Variants in ZBTB20 observed in about 807,000 individuals in gnomAD.
ZBTB20 encodes the protein zinc finger and BTB domain containing 20, also known as zinc finger and BTB domain-containing protein 20.
ZBTB20 carries 9 observed loss-of-function variants against 56.9 expected under a neutral mutation model. That is an observed-to-expected ratio of 0.16 (90% CI 0.10 to 0.28). The LOEUF is 0.28. ZBTB20 is among the 10% of genes least tolerant of loss of function. The pLI, the probability that ZBTB20 is intolerant of heterozygous loss-of-function variation, is 1.00. For synonymous variants in ZBTB20, 417 were observed against 420.7 expected, an observed-to-expected ratio of 0.99 and a Z score of 0.11; for missense variants, 655 against 1,003.0, an observed-to-expected ratio of 0.65 and a Z score of 4.69.
chr3:114,513,786 C>A (rs891692630), intron 6 of ZBTB20, among the ~76,000 whole-genome samples: 2 of 151,918 alleles, frequency 1.3e-5, no homozygotes, highest in African/African-American at 4.8e-5. Flanking sequence ...TCCCTTATTC[C>A]ATAGTGTGCC....
intron 6 of ZBTB20, among the ~76,000 whole-genome samples, chr3:114,592,115 G>A (rs2055828067): frequency 6.6e-6 from 1 of 152,168 alleles, no homozygotes; most frequent in Non-Finnish European, 1.5e-5. Flanking sequence ...GACCTCAATA[G>A]CATGTCACTT....
chr3:115,010,340 G>A (rs944945421), intron 2 of ZBTB20, among the ~76,000 whole-genome samples: 4 of 151,960 alleles, frequency 2.6e-5, no homozygotes, highest in Non-Finnish European at 5.9e-5. Flanking sequence ...GCTGGCTTCA[G>A]GTCTGACCCA....
rs73859717 is a variant in ZBTB20 at position 115,117,628 on chromosome 3, C to T, written c.-703+29591G>A. On this transcript the variant is annotated intron_variant, in intron 1 of 11. Transcript: ENST00000675478. ...TCCTTTGTGTATTACAATCCATTAA[C>T]GTTCTCCACAACTCTTTTTTTTTTC... Among the ~76,000 whole-genome samples the T allele has an allele frequency of 9.9e-3, 1,501 of 151,722 alleles. 30 individuals are homozygous for T. The highest frequency in any genetic ancestry group is 0.035 in the African/African-American group (1,454 of 41,426).
At chr3:114,535,995 T>C (rs577668299) in intron 6 of ZBTB20, among the ~76,000 whole-genome samples, 1 of 152,274 alleles carries the variant, frequency 6.6e-6, no homozygotes, top group East Asian at 1.9e-4. Flanking sequence ...ATGGAACGTA[T>C]CTCAAAATAA....
intron 5 of ZBTB20, among the ~76,000 whole-genome samples, chr3:114,726,254 G>A (rs913791319): frequency 3.9e-5 from 6 of 152,076 alleles, no homozygotes. Context: ...GATATGAATC[G>A]CAGGTCAAAG....
At chr3:114,775,626 A>G (rs1250038988) in intron 5 of ZBTB20, among the ~76,000 whole-genome samples, 1 of 151,850 alleles carries the variant, frequency 6.6e-6, no homozygotes, top group Non-Finnish European at 1.5e-5. Context: ...TGGGCTGCAC[A>G]CGGAGCCCTT....
At chr3:115,040,517 T>C (rs934996913) in intron 2 of ZBTB20, among the ~76,000 whole-genome samples, 2 of 152,070 alleles carry the variant, frequency 1.3e-5, no homozygotes, top group Non-Finnish European at 2.9e-5. Flanking sequence ...AGAAGAAGCA[T>C]TATGTACTCA....
At chr3:114,396,727 T>G (rs1158136298) in intron 7 of ZBTB20, among the ~76,000 whole-genome samples, 1 of 152,176 alleles carries the variant, frequency 6.6e-6, no homozygotes, top group Admixed American at 6.6e-5. Flanking sequence ...TAGGCTAGAT[T>G]CTTCTTCATG....
At chr3:114,952,594 GAA>G (rs35864191) in intron 3 of ZBTB20, among the ~76,000 whole-genome samples, 43 of 140,824 alleles carry the variant, frequency 3.1e-4, no homozygotes, top group Admixed American at 1.4e-3. Flanking sequence ...ACCCCAAACA[GAA>G]AAAAAAAAAA....
intron 2 of ZBTB20, among the ~76,000 whole-genome samples, chr3:114,998,109 T>A (rs778202881): frequency 6.6e-6 from 1 of 151,702 alleles, no homozygotes; most frequent in Admixed American, 6.6e-5. Flanking sequence ...TATACACACA[T>A]GAAGTTGCAA....
rs563342717 is a variant in ZBTB20, at chr3:114,765,331, C to T, written c.-343+35770G>A. 2.4e-3 allele frequency among the ~76,000 whole-genome samples: 363 copies of T among 152,182 alleles called. 4 individuals are homozygous for T. The highest frequency in any genetic ancestry group is 8.2e-3 in the African/African-American group (340 of 41,520). ...GCAGTCGTAATGGAGTAAGGTGGTTCTCTACTCAAGTATGACTTATGCCTG... is the reference window on the plus strand; with the variant it reads ...GCAGTCGTAATGGAGTAAGGTGGTTTTCTACTCAAGTATGACTTATGCCTG... On this transcript the variant is annotated intron_variant, in intron 5 of 11. Transcript: ENST00000675478.
chr3:114,453,672 A>C (rs2091781974), intron 7 of ZBTB20: 1 of 152,158 alleles, frequency 6.6e-6, no homozygotes, highest in Admixed American at 6.6e-5. Flanking sequence ...TAAAGTGAGC[A>C]TAAGAACAGT....
intron 4 of ZBTB20, among the ~76,000 whole-genome samples, chr3:114,809,308 A>G (rs1349136329): frequency 6.6e-6 from 1 of 152,012 alleles, no homozygotes. Context: ...CATTACACAT[A>G]TGTTAGTATG....
chr3:114,977,192 C>G (rs534539154), intron 2 of ZBTB20, among the ~76,000 whole-genome samples: 1 of 152,258 alleles, frequency 6.6e-6, no homozygotes, highest in East Asian at 1.9e-4. Context: ...AGGGACATTG[C>G]TACACAGATA....
intron 6 of ZBTB20, among the ~76,000 whole-genome samples, chr3:114,569,870 T>C (rs1030092566): frequency 3.3e-5 from 5 of 151,874 alleles, no homozygotes; most frequent in African/African-American, 1.2e-4. Flanking sequence ...GTCCATTCTC[T>C]CTCTCTCTCC....
chr3:114,346,515 T>C (rs1306472360), intron 11 of ZBTB20, among the ~76,000 whole-genome samples: 1 of 152,150 alleles, frequency 6.6e-6, no homozygotes, highest in African/African-American at 2.4e-5. Context: ...CAAAACTGGA[T>C]CCAAATCATC....
intron 5 of ZBTB20, among the ~76,000 whole-genome samples, chr3:114,697,111 CA>C (rs2063086535): frequency 8.0e-6 from 1 of 125,226 alleles, no homozygotes; most frequent in African/African-American, 2.9e-5. Context: ...AAAAAAAAAG[CA>C]TTAGAGCTTT....
At chr3:114,868,318 T>C (rs2075853719) in intron 4 of ZBTB20, among the ~76,000 whole-genome samples, 1 of 152,112 alleles carries the variant, frequency 6.6e-6, no homozygotes, top group South Asian at 2.1e-4. Context: ...CCCAAGCGGA[T>C]AAAAAGCCAG....
intron 7 of ZBTB20, among the ~76,000 whole-genome samples, chr3:114,417,682 C>T (rs545088358): frequency 5.9e-5 from 9 of 152,086 alleles, no homozygotes; most frequent in African/African-American, 1.9e-4. Flanking sequence ...TCAGGACAGC[C>T]TTATGGAAAT....
Sources: allele counts gnomAD v4.1 joint callset (sites outside exome capture counted in the v4.1 genomes callset), GRCh38; gene constraint gnomAD v4.1.1; transcripts MANE v1.5; gene names NCBI Gene and HGNC (gene_info 2026-07-23, HGNC 2026-07-21).